LDAH: variants seen among roughly 807,000 people sequenced by gnomAD.
LDAH encodes lipid droplet-associated hydrolase.
In LDAH, 26 loss-of-function variants were observed where a neutral mutation model predicts 29.6. The observed-to-expected ratio is 0.88, with a 90% CI of 0.64 to 1.22. The LOEUF (loss-of-function observed/expected upper bound fraction) is 1.22, where lower values mean the gene tolerates loss of function less well. Ranked by LOEUF, LDAH falls within the 50% of genes most tolerant of loss-of-function variation. The pLI is 0.00. For synonymous variants in LDAH, 117 were observed against 133.0 expected (o/e 0.88, Z 0.83); for missense variants, 344 against 387.3 (o/e 0.89, Z 0.94).
chr2:20,817,374 T>C (rs976702835), intron 1 of LDAH, among the ~76,000 whole-genome samples: 6 of 152,048 alleles, frequency 3.9e-5, no homozygotes, highest in African/African-American at 1.4e-4. Flanking sequence ...TGTAGAATAC[T>C]ATTACCCTAC....
intron 4 of LDAH, among the ~76,000 whole-genome samples, chr2:20,753,126 T>C (rs547118447): frequency 1.6e-4 from 24 of 152,346 alleles, no homozygotes; most frequent in Admixed American, 1.1e-3. Flanking sequence ...TGTAATATAA[T>C]AATGTGAGAA....
chr2:20,728,559 T>C (rs1160802723), intron 5 of LDAH, among the ~76,000 whole-genome samples: 3 of 152,038 alleles, frequency 2.0e-5, no homozygotes, highest in Non-Finnish European at 4.4e-5. Flanking sequence ...GACTTTCTCT[T>C]TGTGGGAAGC....
At chr2:20,788,919 T>C (rs1422129199) in intron 3 of LDAH, 2 of 463,384 alleles carry the variant, frequency 4.3e-6, no homozygotes, top group East Asian at 8.1e-5. Flanking sequence ...TTCTCACAGA[T>C]TTAAAGGAGG....
intron 4 of LDAH, among the ~76,000 whole-genome samples, chr2:20,752,237 A>G (rs1187932988): frequency 6.6e-6 from 1 of 152,170 alleles, no homozygotes; most frequent in African/African-American, 2.4e-5. Context: ...CAATTTAAAA[A>G]TATCAGTGAA....
At chr2:20,779,393 AG>A (rs1326757656) in intron 3 of LDAH, among the ~76,000 whole-genome samples, 1 of 152,088 alleles carries the variant, frequency 6.6e-6, no homozygotes, top group Non-Finnish European at 1.5e-5. Flanking sequence ...ACAGGTCAAT[AG>A]GTGCAGCAAA....
intron 1 of LDAH, among the ~76,000 whole-genome samples, chr2:20,802,187 G>A (rs947688260): frequency 1.3e-5 from 2 of 151,954 alleles, no homozygotes; most frequent in African/African-American, 4.8e-5. Context: ...AGCCTCCTGA[G>A]TAGCTGGGAC....
At chr2:20,736,966 T>C (rs1275692640) in intron 5 of LDAH, among the ~76,000 whole-genome samples, 1 of 152,250 alleles carries the variant, frequency 6.6e-6, no homozygotes, top group Non-Finnish European at 1.5e-5. Context: ...ATCTGTCTTT[T>C]GTAACAAAGA....
At chr2:20,817,552 AGTTGT>A (rs1572698383) in intron 1 of LDAH, among the ~76,000 whole-genome samples, 2 of 152,278 alleles carry the variant, frequency 1.3e-5, no homozygotes, top group East Asian at 1.9e-4. Context: ...GATTTATACC[AGTTGT>A]GTTCAACATT....
At chr2:20,734,498 T>C (rs571749741) in intron 5 of LDAH, among the ~76,000 whole-genome samples, 1 of 152,312 alleles carries the variant, frequency 6.6e-6, no homozygotes, top group African/African-American at 2.4e-5. Context: ...ACATGACTTA[T>C]TACTATGTAC....
chr2:20,787,681 T>A (rs1337676210), intron 3 of LDAH, among the ~76,000 whole-genome samples: 1 of 152,186 alleles, frequency 6.6e-6, no homozygotes, highest in Non-Finnish European at 1.5e-5. Context: ...TATTTATTTT[T>A]AAAAAAATTC....
At chr2:20,748,812 A>G (rs912870134) in intron 4 of LDAH, among the ~76,000 whole-genome samples, 2 of 152,162 alleles carry the variant, frequency 1.3e-5, no homozygotes, top group Non-Finnish European at 2.9e-5. Context: ...AGGTAAAGCT[A>G]CACAGAATGT....
Position 20,686,881 on chromosome 2 carries a change from G to A in LDAH, c.*22C>T, listed in dbSNP as rs760710003. ...TGACTGCCTCCATGTACTGGCAGTG[G>A]GGGCTTGTTCCTCAGGCCAATTTAC... On this transcript the variant is annotated 3_prime_UTR_variant, in exon 7 of 7. Transcript: ENST00000237822. The A allele has an allele frequency of 2.7e-5, 44 of 1,601,454 alleles. No individual in the cohort carries two copies. The African/African-American group carries it at 4.7e-4, about 17-fold the overall frequency.
rs147769254 is a variant in LDAH, at chr2:20,721,115, A to G, written c.703+18856T>C. On this transcript the variant is annotated intron_variant, in intron 5 of 6. Coordinates refer to ENST00000237822, the MANE Select transcript of LDAH (RefSeq NM_021925.4). Reference sequence around the variant, plus strand: ...TCAAAAACACAGGCAACAAAAGCGAAAAATAGACAAATGGGATTACACCAA... The same window carrying G: ...TCAAAAACACAGGCAACAAAAGCGAGAAATAGACAAATGGGATTACACCAA... Among the ~76,000 whole-genome samples the G allele has an allele frequency of 2.1e-4, 32 of 152,330 alleles. No homozygotes were observed. The East Asian group carries it at 5.0e-3, about 24-fold the overall frequency.
intron 1 of LDAH, among the ~76,000 whole-genome samples, chr2:20,804,367 T>C (rs184611261): frequency 6.6e-6 from 1 of 152,296 alleles, no homozygotes; most frequent in Admixed American, 6.5e-5. Context: ...CATTCAATTC[T>C]GAAAAAAACC....
chr2:20,744,800 T>C (rs963279882), intron 4 of LDAH, among the ~76,000 whole-genome samples: 2 of 152,122 alleles, frequency 1.3e-5, no homozygotes, highest in African/African-American at 4.8e-5. Context: ...CCTCCTGGAG[T>C]TTAAAACTTT....
At chr2:20,740,242 T>C (rs1667083546) in intron 4 of LDAH, 37 bp from the exon 5 acceptor site, 1 of 1,397,582 alleles carries the variant, frequency 7.2e-7, no homozygotes, top group Non-Finnish European at 1.0e-6. Flanking sequence ...AGAGGTTTTC[T>C]TAAAGGATAG....
chr2:20,713,863 G>A (rs1664959660), intron 5 of LDAH, among the ~76,000 whole-genome samples: 2 of 152,142 alleles, frequency 1.3e-5, no homozygotes, highest in South Asian at 2.1e-4. Flanking sequence ...CAATACAGGA[G>A]CACCTAGATT....
intron 2 of LDAH, among the ~76,000 whole-genome samples, chr2:20,795,794 A>G (rs1012260002): frequency 6.6e-6 from 1 of 152,208 alleles, no homozygotes; most frequent in Non-Finnish European, 1.5e-5. Context: ...TAATTTTGCT[A>G]GCTGCAAAAG....
At chr2:20,737,707 T>C (rs115861183) in intron 5 of LDAH, among the ~76,000 whole-genome samples, 1,991 of 152,218 alleles carry the variant, frequency 0.013, 44 homozygotes, top group African/African-American at 0.046. Flanking sequence ...TTTTCACCAG[T>C]AGGCATCTGT....
Sources: gnomAD v4.1 joint callset for allele counts (sites outside exome capture counted in the v4.1 genomes callset) on GRCh38, gnomAD v4.1.1 for gene constraint, MANE v1.5 for transcripts, NCBI Gene and HGNC (gene_info 2026-07-23, HGNC 2026-07-21) for gene names.